CCDC141: variants seen among roughly 807,000 people sequenced by gnomAD.
The protein encoded by CCDC141 is coiled-coil domain-containing protein 141.
CCDC141 carries 168 observed loss-of-function variants against 181.0 expected under a neutral mutation model. The ratio of observed to expected loss-of-function variants is 0.93; its 90% CI spans 0.82 to 1.05. CCDC141 has a LOEUF of 1.05. Ranked by LOEUF, CCDC141 falls within the 50% of genes least tolerant of loss-of-function variation. The pLI, the probability that CCDC141 is intolerant of heterozygous loss-of-function variation, is 0.00. For missense variants in CCDC141, 1,902 were observed against 1,788.5 expected, an observed-to-expected ratio of 1.06 and a Z score of -1.14; for synonymous variants, 666 against 642.3, an observed-to-expected ratio of 1.04 and a Z score of -0.56.
At chr2:178,859,277 T>C (rs1224141239) in intron 17 of CCDC141, among the ~76,000 whole-genome samples, 1 of 152,150 alleles carries the variant, frequency 6.6e-6, no homozygotes, top group Non-Finnish European at 1.5e-5. Context: ...GATTGAAAAA[T>C]CTTGCCATTC....
Position 178,885,132 on chromosome 2 carries a change from G to A in CCDC141, c.1528-40C>T, listed in dbSNP as rs777471122. The A allele has an allele frequency of 1.2e-5, 17 of 1,399,512 alleles. No individual in the cohort carries two copies. In the Admixed American group the frequency reaches 1.4e-4, roughly 12 times the overall value. The allele number at this position is 1,399,512 out of a possible 1,614,324, so 86.7% of individuals were successfully genotyped here. Reference sequence around the variant, plus strand: ...CACTGGAGGTCAGAAACTGACAGGGGAATCATGAACATTCACGTTTCATTA... The same window carrying A: ...CACTGGAGGTCAGAAACTGACAGGGAAATCATGAACATTCACGTTTCATTA... On this transcript the variant is annotated intron_variant, in intron 10 of 23. Coordinates refer to ENST00000443758, the MANE Select transcript of CCDC141 (RefSeq NM_173648.4).
intron 12 of CCDC141, chr2:178,877,269 C>T (rs1167324505): frequency 3.3e-5 from 5 of 152,062 alleles, no homozygotes; most frequent in Non-Finnish European, 7.4e-5. Context: ...AATATGAATA[C>T]TTTTTGTCCC....
At chr2:178,958,138 G>A (rs868263920) in intron 5 of CCDC141, among the ~76,000 whole-genome samples, 73 of 152,312 alleles carry the variant, frequency 4.8e-4, no homozygotes, top group Middle Eastern at 6.8e-3. Flanking sequence ...AGAGGGAAGG[G>A]AGCAATGAAG....
chr2:179,039,110 C>G (rs1236319581), intron 2 of CCDC141, among the ~76,000 whole-genome samples: 2 of 152,142 alleles, frequency 1.3e-5, no homozygotes, highest in Non-Finnish European at 2.9e-5. Flanking sequence ...GTTTGGAAAT[C>G]TAGACGCCTT....
At chr2:178,905,221 C>A (rs911206176) in intron 8 of CCDC141, 108 bp downstream of exon 8, 2 of 1,015,700 alleles carry the variant, frequency 2.0e-6, no homozygotes, top group Admixed American at 2.8e-5. Flanking sequence ...TATCATAATG[C>A]AGCAAAACAT....
At chr2:179,021,782 C>T (rs2042697626) in intron 2 of CCDC141, among the ~76,000 whole-genome samples, 1 of 152,060 alleles carries the variant, frequency 6.6e-6, no homozygotes, top group Admixed American at 6.5e-5. Context: ...ATTAAAGGAC[C>T]ATAAAATCTG....
At chr2:178,864,851 T>C (rs1685776705) in intron 17 of CCDC141, among the ~76,000 whole-genome samples, 1 of 152,254 alleles carries the variant, frequency 6.6e-6, no homozygotes, top group East Asian at 1.9e-4. Flanking sequence ...GTTTACTGCC[T>C]CCTTTTCCAC....
chr2:178,917,678 A>G (rs1438666319), intron 7 of CCDC141, among the ~76,000 whole-genome samples: 2 of 152,222 alleles, frequency 1.3e-5, no homozygotes, highest in Admixed American at 1.3e-4. Flanking sequence ...AAATTTTCAA[A>G]TAAGATCACC....
intron 4 of CCDC141, among the ~76,000 whole-genome samples, chr2:178,964,952 T>C (rs1340138301): frequency 1.3e-5 from 2 of 152,200 alleles, no homozygotes; most frequent in Non-Finnish European, 2.9e-5. Context: ...TAAAAAATTA[T>C]CATTAAAGTT....
At chr2:179,041,707 G>T (rs2043313227) in intron 2 of CCDC141, among the ~76,000 whole-genome samples, 1 of 151,818 alleles carries the variant, frequency 6.6e-6, no homozygotes, top group African/African-American at 2.4e-5. Flanking sequence ...TCAAAATACA[G>T]GAATGGAGGA....
In CCDC141 at chr2:178,932,266, C is replaced by A. The variant is rs564068972; in HGVS notation, c.897+12269G>T. ...CTCTGTAAATTAGGTACAATTGTTA[C>A]CCCTTTCACAAAAAGGGACTGGAAC... is the stretch of plus-strand genomic sequence containing the variant. On this transcript the variant is annotated intron_variant, in intron 6 of 23. Coordinates refer to ENST00000443758, the MANE Select transcript of CCDC141 (RefSeq NM_173648.4). Among the ~76,000 whole-genome samples, 17 of 152,284 alleles carry A rather than the reference C, an allele frequency of 1.1e-4. No homozygotes were observed. In the South Asian group the frequency reaches 3.1e-3, roughly 28 times the overall value.
chr2:178,822,773 C>T, the CCDC141 span, among the ~76,000 whole-genome samples: 7,490 of 152,218 alleles, frequency 0.049, 316 homozygotes, highest in Admixed American at 0.14. Flanking sequence ...ATGTTTATAT[C>T]AGACATATAA....
intron 6 of CCDC141, among the ~76,000 whole-genome samples, chr2:178,934,528 A>G (rs1689212963): frequency 6.6e-6 from 1 of 152,192 alleles, no homozygotes; most frequent in Non-Finnish European, 1.5e-5. Flanking sequence ...CATATTCGGT[A>G]AAGAAAGTAT....
intron 8 of CCDC141, among the ~76,000 whole-genome samples, chr2:178,902,327 G>A (rs2154372581): frequency 6.6e-6 from 1 of 152,284 alleles, no homozygotes; most frequent in Non-Finnish European, 1.5e-5. Flanking sequence ...AACAAAGCTG[G>A]AGGCATCACG....
intron 11 of CCDC141, among the ~76,000 whole-genome samples, chr2:178,879,715 GGA>G (rs1384949056): frequency 6.6e-5 from 10 of 152,136 alleles, no homozygotes; most frequent in Admixed American, 1.3e-4. Context: ...AACTCTATAT[GGA>G]GTAAATAGGG....
chr2:179,004,407 TG>T (rs1320999758), intron 2 of CCDC141, among the ~76,000 whole-genome samples: 18 of 152,302 alleles, frequency 1.2e-4, no homozygotes, highest in African/African-American at 4.3e-4. Context: ...AATCATACAA[TG>T]CATACAAATG....
At chr2:178,891,470 T>A (rs1687144785) in intron 8 of CCDC141, among the ~76,000 whole-genome samples, 1 of 152,124 alleles carries the variant, frequency 6.6e-6, no homozygotes, top group Non-Finnish European at 1.5e-5. Context: ...GGGAGTATTT[T>A]CTCCTCTAAA....
intron 2 of CCDC141, among the ~76,000 whole-genome samples, chr2:179,041,596 C>T (rs181442748): frequency 6.8e-6 from 1 of 145,998 alleles, no homozygotes; most frequent in African/African-American, 2.6e-5. Context: ...AATGGAAATG[C>T]CCCAATTAAA....
rs184703854 is a variant in CCDC141 at position 178,912,935 on chromosome 2, G to A, written c.1092+5778C>T. The stretch of plus-strand genomic sequence containing the variant: ...ACTTATCTCAGTGATCACCTCCTCT[G>A]GGGAGCCTTCCTTGACTCTTTTTCC... On this transcript the variant is annotated intron_variant, in intron 7 of 23. Transcript: ENST00000443758. Among the ~76,000 whole-genome samples, 638 of 152,242 alleles carry A rather than the reference G, an allele frequency of 4.2e-3. 1 individual carries two copies. The highest frequency in any genetic ancestry group is 7.3e-3 in the South Asian group (35 of 4,820).
Sources: gnomAD v4.1 joint callset for allele counts (sites outside exome capture counted in the v4.1 genomes callset) on GRCh38, gnomAD v4.1.1 for gene constraint, MANE v1.5 for transcripts, NCBI Gene and HGNC (gene_info 2026-07-23, HGNC 2026-07-21) for gene names.